Variants in GPR157 observed in about 807,000 individuals in gnomAD.
GPR157 encodes G protein-coupled receptor 157.
Under a neutral mutation model 23.5 loss-of-function variants are expected in GPR157, and 16 were observed. That is an observed-to-expected ratio of 0.68 (90% CI 0.46 to 1.04). GPR157 has a LOEUF of 1.04. GPR157 is among the 50% of genes least tolerant of loss of function. GPR157 has a pLI of 0.00. For missense variants in GPR157, 440 were observed against 460.7 expected, an observed-to-expected ratio of 0.96 and a Z score of 0.41; for synonymous variants, 200 against 221.5, an observed-to-expected ratio of 0.90 and a Z score of 0.86.
chr1:9,105,733 G>A lies in GPR157; in HGVS notation c.598-53C>T, dbSNP rs1638300647. Reference sequence around the variant, plus strand: ...GAGTGGATAGGCACCCTCCCGCCACGTCCACCCAGGCTGCCCAGGTCTTCC... The same window carrying A: ...GAGTGGATAGGCACCCTCCCGCCACATCCACCCAGGCTGCCCAGGTCTTCC... On this transcript the variant is annotated intron_variant, in intron 2 of 3. Coordinates refer to ENST00000377411, the MANE Select transcript of GPR157 (RefSeq NM_024980.5). This position sits in a 1 kb window ranked among gnomAD's most constrained non-coding sequence, Gnocchi z 4.8. 8.1e-6 allele frequency: 12 copies of A among 1,485,902 alleles called. No individual in the cohort carries two copies. The highest frequency in any genetic ancestry group is 4.1e-5 in the African/African-American group (3 of 73,002). The allele number at this position is 1,485,902 out of a possible 1,614,324, so 92.0% of individuals were successfully genotyped here.
At position 9,101,605 on chromosome 1, in the gene GPR157, T is replaced by C. The variant is rs1642567827; in HGVS notation, c.*2814A>G. 1 of 152,252 alleles carries C rather than the reference T, an allele frequency of 6.6e-6. No individual in the cohort carries two copies. Among genetic ancestry groups the C allele is most frequent in the Non-Finnish European group, 1.5e-5 (1 of 68,052 alleles). 9.4% of individuals were successfully genotyped at this position (152,252 alleles called of 1,614,324 possible). A position where few individuals can be genotyped will look rare whatever the true frequency, so the allele number is the denominator to read the frequency against. On this transcript the variant is annotated 3_prime_UTR_variant, in exon 4 of 4. Transcript: ENST00000377411. The stretch of plus-strand genomic sequence containing the variant: ...GGCAGCGGAGGAAGCTGACTAGAGA[T>C]ACCTGATGTATAACTTTTTGGAGGT...
chr1:9,117,796 A>T (rs1638715671), intron 1 of GPR157, among the ~76,000 whole-genome samples: 1 of 151,886 alleles, frequency 6.6e-6, no homozygotes, highest in Admixed American at 6.6e-5. Flanking sequence ...AACAAAAAAC[A>T]CAAAAAAACA....
intron 2 of GPR157, among the ~76,000 whole-genome samples, chr1:9,111,002 A>C (rs981454965): frequency 6.6e-6 from 1 of 152,234 alleles, no homozygotes; most frequent in African/African-American, 2.4e-5. Flanking sequence ...GTGCCCCCAC[A>C]GGCCCTTAAT....
intron 1 of GPR157, among the ~76,000 whole-genome samples, chr1:9,112,317 C>T (rs751196590): frequency 6.6e-6 from 1 of 152,182 alleles, no homozygotes; most frequent in Non-Finnish European, 1.5e-5. Flanking sequence ...GGAGGGGGAA[C>T]GTGGGCTTTG....
intron 1 of GPR157, among the ~76,000 whole-genome samples, chr1:9,116,309 T>TATATAATTATATAATTATA (rs1466795332): frequency 2.3e-3 from 16 of 6,984 alleles, no homozygotes; most frequent in African/African-American, 0.021. Flanking sequence ...ATATATTATA[T>TATATAATTATATAATTATA]TATATATAAT....
At chr1:9,123,611 TTTAAAA>T (rs1638889071) in intron 1 of GPR157, among the ~76,000 whole-genome samples, 1 of 113,502 alleles carries the variant, frequency 8.8e-6, no homozygotes, top group Admixed American at 1.1e-4. Context: ...TTAATATATA[TTTAAAA>T]TTAAATATAT....
intron 2 of GPR157, among the ~76,000 whole-genome samples, chr1:9,108,854 C>T (rs1638409645): frequency 6.6e-6 from 1 of 151,768 alleles, no homozygotes; most frequent in South Asian, 2.1e-4. Context: ...GGCGCGATCT[C>T]AGCTCACTGC....
chr1:9,123,658 TAAATATATATTTAATATTA>T (rs1638893642), intron 1 of GPR157, among the ~76,000 whole-genome samples: 1 of 111,750 alleles, frequency 8.9e-6, no homozygotes, highest in Admixed American at 1.2e-4. Flanking sequence ...AAATATATAT[TAAATATATATTTAATATTA>T]AATATATATT....
chr1:9,105,763 G>A lies in GPR157; in HGVS notation c.598-83C>T. The A allele has an allele frequency of 8.4e-7, 1 of 1,189,536 alleles. No individual in the cohort carries two copies. The highest frequency in any genetic ancestry group is 1.2e-6 in the Non-Finnish European group (1 of 839,020). The allele number at this position is 1,189,536 out of a possible 1,614,324, so 73.7% of individuals were successfully genotyped here. A position where few individuals can be genotyped will look rare whatever the true frequency, so the allele number is the denominator to read the frequency against. On this transcript the variant is annotated intron_variant, in intron 2 of 3. Coordinates refer to ENST00000377411, the MANE Select transcript of GPR157 (RefSeq NM_024980.5). The surrounding 1 kb of genome is among the most constrained non-coding windows in gnomAD (Gnocchi z 4.8). Reference sequence around the variant, plus strand: ...CCCAGGCTGCCCAGGTCTTCCCAGGGACTTGAACTAGCTCAGGGAGGTAGG... The same window carrying A: ...CCCAGGCTGCCCAGGTCTTCCCAGGAACTTGAACTAGCTCAGGGAGGTAGG...
At position 9,105,024 on chromosome 1, in the gene GPR157, A is replaced by C; in HGVS notation, c.793-390T>G. Among the ~76,000 whole-genome samples the C allele has an allele frequency of 1.6e-5, 2 of 126,168 alleles. No homozygotes were observed. The highest frequency in any genetic ancestry group is 3.2e-4 in the South Asian group (1 of 3,084). The allele number at this position is 126,168 out of a possible 152,430, so 82.8% of individuals were successfully genotyped here. ...CCGCACCCCCCCCCAAAAAAGAGAA[A>C]TGGCTGAGAAACACACACACACACA... On this transcript the variant is annotated intron_variant, in intron 3 of 3. Coordinates refer to ENST00000377411, the MANE Select transcript of GPR157 (RefSeq NM_024980.5). The surrounding 1 kb of genome is among the most constrained non-coding windows in gnomAD (Gnocchi z 4.8).
In GPR157 at chr1:9,102,042, G is replaced by A. The variant is rs1468805535; in HGVS notation, c.*2377C>T. ...CTTACAGAGGCTATTTCTGCCAAGT[G>A]GCTTTCCCTGGAGCAGCCCAGAGCT... On this transcript the variant is annotated 3_prime_UTR_variant, in exon 4 of 4. Transcript: ENST00000377411. The A allele has an allele frequency of 6.6e-6, 1 of 152,202 alleles. No homozygotes were observed. The highest frequency in any genetic ancestry group is 2.4e-5 in the African/African-American group (1 of 41,444). 9.4% of individuals were successfully genotyped at this position (152,202 alleles called of 1,614,324 possible).
chr1:9,101,425 T>C lies in GPR157; in HGVS notation c.*2994A>G, dbSNP rs1232061565. On this transcript the variant is annotated 3_prime_UTR_variant, in exon 4 of 4. Transcript: ENST00000377411. Reference sequence around the variant, plus strand: ...TCTGTCTGAGCACTACCCACCCAGCTAGACTGACTTGGTAACTGGATCTAA... The same window carrying C: ...TCTGTCTGAGCACTACCCACCCAGCCAGACTGACTTGGTAACTGGATCTAA... 1.3e-5 allele frequency: 2 copies of C among 152,198 alleles called. No individual in the cohort carries two copies. Among genetic ancestry groups the C allele is most frequent in the Non-Finnish European group, 2.9e-5 (2 of 68,084 alleles). The allele number at this position is 152,198 out of a possible 1,614,324, so 9.4% of individuals were successfully genotyped here. A position where few individuals can be genotyped will look rare whatever the true frequency, so the allele number is the denominator to read the frequency against.
intron 1 of GPR157, 97 bp from the exon 2 acceptor site, chr1:9,111,586 G>T (rs1638498601): frequency 1.1e-6 from 1 of 945,938 alleles, no homozygotes; most frequent in African/African-American, 1.6e-5. Context: ...TTCAGAAAGG[G>T]GATGCTCTCC....
chr1:9,116,640 G>A (rs1326832862), intron 1 of GPR157, among the ~76,000 whole-genome samples: 2 of 150,650 alleles, frequency 1.3e-5, no homozygotes, highest in Non-Finnish European at 2.9e-5. Flanking sequence ...CTACTCAGGA[G>A]GCTAAGGCAG....
Position 9,100,742 on chromosome 1 carries a change from C to T in GPR157, c.*3677G>A, listed in dbSNP as rs547404577. The stretch of plus-strand genomic sequence containing the variant: ...CACTAACAGAGGAGAAAGAAGCCCA[C>T]TGGGGCTGTGCAAAGTGTCCAAGGA... On this transcript the variant is annotated 3_prime_UTR_variant, in exon 4 of 4. Transcript: ENST00000377411. 6.6e-6 allele frequency: 1 copy of T among 152,408 alleles called. No individual in the cohort carries two copies. Among genetic ancestry groups the T allele is most frequent in the Non-Finnish European group, 1.5e-5 (1 of 68,086 alleles). The allele number at this position is 152,408 out of a possible 1,614,324, so 9.4% of individuals were successfully genotyped here.
rs1397032643 is a variant in GPR157 at position 9,128,044 on chromosome 1, T to C, written c.383+601A>G. The stretch of plus-strand genomic sequence containing the variant: ...CCGCCCCTGCCCTCAATCTCAGAAT[T>C]GCTGAACTCTGGAAAGTCAAGATCA... On this transcript the variant is annotated intron_variant, in intron 1 of 3. Transcript: ENST00000377411. The surrounding 1 kb of genome is among the most constrained non-coding windows in gnomAD (Gnocchi z 6.3). Among the ~76,000 whole-genome samples, 1 of 152,062 alleles carries C rather than the reference T, an allele frequency of 6.6e-6. No homozygotes were observed. Among genetic ancestry groups the C allele is most frequent in the African/African-American group, 2.4e-5 (1 of 41,408 alleles).
chr1:9,106,189 C>T (rs901208844), intron 2 of GPR157, among the ~76,000 whole-genome samples: 2 of 152,128 alleles, frequency 1.3e-5, no homozygotes, highest in African/African-American at 4.8e-5. Flanking sequence ...GCATGAGCTG[C>T]CACCGTGCCG....
rs372079265 is a variant in GPR157, at chr1:9,104,489, G to A, written c.938C>T (p.Ala313Val). The change falls in exon 4 of 4, where the codon GCT (alanine) becomes GTT (valine). Residue 313 changes from alanine to valine, a missense_variant. Ala to Val is a moderately conservative substitution (Grantham distance 64). Transcript: ENST00000377411. ...TTCTCCTGGCTTGGAAGGCGCGGGA[G>A]CCTTGGGAGTGCCAGCCGGGCTCTT... ...PTKSPAGTPK[A>V]PAPSKPGESQ... 3 of 1,613,796 alleles carry A rather than the reference G, an allele frequency of 1.9e-6. No individual in the cohort carries two copies. The highest frequency in any genetic ancestry group is 2.7e-5 in the African/African-American group (2 of 74,826).
chr1:9,128,773 C>CAGCG lies in GPR157; in HGVS notation c.251_254dup (p.Ser86AlafsTer64). 6.2e-6 allele frequency: 10 copies of CAGCG among 1,612,178 alleles called. No individual in the cohort carries two copies. Among genetic ancestry groups the CAGCG allele is most frequent in the Non-Finnish European group, 8.5e-6 (10 of 1,179,074 alleles). On this transcript the variant is annotated frameshift_variant, in exon 1 of 4. Transcript: ENST00000377411. LOFTEE classifies it high-confidence loss of function. This position sits in a 1 kb window ranked among gnomAD's most constrained non-coding sequence, Gnocchi z 6.3. ...AGGAGCTGGTGTTGGCGAAGGTGGA[C>CAGCG]AGCGCGCCCTGCAGCACGCAGTCCC...
Sources: gnomAD v4.1 joint callset for allele counts (sites outside exome capture counted in the v4.1 genomes callset) on GRCh38, gnomAD v4.1.1 for gene constraint, Gnocchi (gnomAD v3.1) non-coding constraint, MANE v1.5 for transcripts, NCBI Gene and HGNC (gene_info 2026-07-23, HGNC 2026-07-21) for gene names.